PRKAR1B: variants seen among roughly 807,000 people sequenced by gnomAD.
PRKAR1B encodes protein kinase cAMP-dependent type I regulatory subunit beta.
Under a neutral mutation model 46.5 loss-of-function variants are expected in PRKAR1B, and 22 were observed. That is an observed-to-expected ratio of 0.47 (90% confidence interval 0.34 to 0.68). The LOEUF (loss-of-function observed/expected upper bound fraction) is 0.68, where lower values mean the gene tolerates loss of function less well. Among genes scored for constraint, PRKAR1B ranks in the 30% least tolerant of loss-of-function variants. The pLI is 0.01. For missense variants in PRKAR1B, 445 were observed against 535.6 expected (o/e 0.83, Z 1.67); for synonymous variants, 259 against 217.7 (o/e 1.19, Z -1.67).
At chr7:592,967 C>A (rs547754595) in intron 7 of PRKAR1B, among the ~76,000 whole-genome samples, 3 of 152,244 alleles carry the variant, frequency 2.0e-5, no homozygotes, top group Non-Finnish European at 4.4e-5. Flanking sequence ...GCCGGGGAGG[C>A]GGAGGCTACA....
intron 7 of PRKAR1B, among the ~76,000 whole-genome samples, chr7:585,773 AC>A (rs1780562478): frequency 6.6e-6 from 1 of 152,114 alleles, no homozygotes; most frequent in East Asian, 1.9e-4. Context: ...CTGAGTGACC[AC>A]CCTAGATAGG....
At chr7:672,244 G>A (rs999153914) in intron 4 of PRKAR1B, among the ~76,000 whole-genome samples, 3 of 151,940 alleles carry the variant, frequency 2.0e-5, no homozygotes, top group Non-Finnish European at 4.4e-5. Flanking sequence ...TCCGCCACCC[G>A]GGTTCAAGCA....
intron 9 of PRKAR1B, among the ~76,000 whole-genome samples, chr7:559,417 G>A (rs1452906102): frequency 6.6e-6 from 1 of 152,200 alleles, no homozygotes; most frequent in Non-Finnish European, 1.5e-5. Context: ...GCTCAGGGCA[G>A]TCAGAAGGGA....
At chr7:613,530 T>A (rs1782642333) in intron 4 of PRKAR1B, among the ~76,000 whole-genome samples, 1 of 152,120 alleles carries the variant, frequency 6.6e-6, no homozygotes, top group South Asian at 2.1e-4. Context: ...ACAGCCAAAC[T>A]CGCCTTCAAA....
chr7:711,872 G>A lies in PRKAR1B; in HGVS notation c.-22-345C>T, dbSNP rs540156276. ...GGCCCGGCGCCCTGAGGGTCCAGCC[G>A]GGGGGTTCCAGGGCCTCGTCCTCCT... On this transcript the variant is annotated intron_variant, in intron 1 of 10. Coordinates refer to ENST00000537384, the MANE Select transcript of PRKAR1B (RefSeq NM_001164760.2). Among the ~76,000 whole-genome samples, 269 of 151,576 alleles carry A rather than the reference G, an allele frequency of 1.8e-3. 1 individual carries two copies. Among genetic ancestry groups the A allele is most frequent in the African/African-American group, 6.4e-3 (264 of 41,354 alleles).
chr7:612,746 G>A (rs1036698820), intron 4 of PRKAR1B, among the ~76,000 whole-genome samples: 1 of 147,580 alleles, frequency 6.8e-6, no homozygotes, highest in South Asian at 2.1e-4. Context: ...TCCACATTTA[G>A]GAACTTGAAG....
At chr7:688,811 T>A (rs1779247762) in intron 2 of PRKAR1B, among the ~76,000 whole-genome samples, 1 of 152,244 alleles carries the variant, frequency 6.6e-6, no homozygotes, top group South Asian at 2.1e-4. Context: ...ATTTTGCGTC[T>A]TAACCATGGT....
intron 4 of PRKAR1B, among the ~76,000 whole-genome samples, chr7:611,559 G>C (rs983014289): frequency 6.6e-6 from 1 of 152,228 alleles, no homozygotes; most frequent in African/African-American, 2.4e-5. Context: ...CAACACCTCA[G>C]TTCCTGTGCT....
At chr7:721,763 T>C (rs1277488317) in intron 1 of PRKAR1B, among the ~76,000 whole-genome samples, 3 of 152,214 alleles carry the variant, frequency 2.0e-5, no homozygotes, top group African/African-American at 4.8e-5. Flanking sequence ...TCTTTACTCC[T>C]CTTCCATTCC....
chr7:585,853 C>T (rs983652193), intron 7 of PRKAR1B, among the ~76,000 whole-genome samples: 3 of 152,176 alleles, frequency 2.0e-5, no homozygotes, highest in Non-Finnish European at 2.9e-5. Flanking sequence ...CGCCTCTCAA[C>T]TTGAATGGGG....
chr7:647,561 C>T (rs1036402659), intron 4 of PRKAR1B, among the ~76,000 whole-genome samples: 2 of 152,080 alleles, frequency 1.3e-5, no homozygotes, highest in Non-Finnish European at 2.9e-5. Context: ...AATCCCAGCA[C>T]TTTGGGGGGC....
At chr7:615,864 A>G (rs1228648914) in intron 4 of PRKAR1B, among the ~76,000 whole-genome samples, 1 of 150,656 alleles carries the variant, frequency 6.6e-6, no homozygotes, top group African/African-American at 2.4e-5. Flanking sequence ...AGGAAGGAAG[A>G]AAGGGAGGGA....
At chr7:552,218 C>A (rs1784267474) in intron 9 of PRKAR1B, among the ~76,000 whole-genome samples, 1 of 111,834 alleles carries the variant, frequency 8.9e-6, no homozygotes, top group Non-Finnish European at 1.8e-5. Flanking sequence ...AGAGCTACTG[C>A]CACCACCACG....
chr7:571,165 C>A (rs776541303), intron 9 of PRKAR1B, among the ~76,000 whole-genome samples: 1 of 152,110 alleles, frequency 6.6e-6, no homozygotes, highest in African/African-American at 2.4e-5. Flanking sequence ...AGCAGCACCA[C>A]GAGTAAGCAG....
intron 4 of PRKAR1B, among the ~76,000 whole-genome samples, chr7:653,853 CCAT>C (rs1488009711): frequency 5.3e-5 from 8 of 152,010 alleles, no homozygotes; most frequent in Admixed American, 2.0e-4. Flanking sequence ...ATCACTATCA[CCAT>C]CATCACCAAC....
chr7:691,889 G>T (rs560214676), intron 2 of PRKAR1B: 3 of 1,128,432 alleles, frequency 2.7e-6, no homozygotes, highest in East Asian at 6.6e-5. Flanking sequence ...TCTCAGAATG[G>T]CACAGACGCC....
intron 4 of PRKAR1B, among the ~76,000 whole-genome samples, chr7:650,585 G>C (rs1359543757): frequency 6.6e-6 from 1 of 152,180 alleles, no homozygotes; most frequent in South Asian, 2.1e-4. Flanking sequence ...CACACGTCCC[G>C]CCATTGCCAC....
At chr7:562,519 C>T (rs1778865941) in intron 9 of PRKAR1B, among the ~76,000 whole-genome samples, 1 of 152,220 alleles carries the variant, frequency 6.6e-6, no homozygotes, top group South Asian at 2.1e-4. Context: ...CTGCCCCCTG[C>T]AGAGCCTGGA....
chr7:617,033 G>A (rs1276428556), intron 4 of PRKAR1B, among the ~76,000 whole-genome samples: 6 of 129,810 alleles, frequency 4.6e-5, no homozygotes, highest in East Asian at 2.4e-4. Flanking sequence ...TCGCCCTGTC[G>A]ACCAGGCTGG....
Sources: gnomAD v4.1 joint callset for allele counts (sites outside exome capture counted in the v4.1 genomes callset) on GRCh38, gnomAD v4.1.1 for gene constraint, MANE v1.5 for transcripts, NCBI Gene and HGNC (gene_info 2026-07-23, HGNC 2026-07-21) for gene names.